Variants in DDX60L observed in about 807,000 individuals in gnomAD.
DDX60L encodes the protein probable ATP-dependent RNA helicase DDX60-like.
DDX60L carries 191 observed loss-of-function variants against 211.6 expected under a neutral mutation model. The observed-to-expected ratio is 0.90, with a 90% CI of 0.80 to 1.02. The LOEUF (loss-of-function observed/expected upper bound fraction) is 1.02. DDX60L is among the 50% of genes least tolerant of loss of function. The pLI is 0.00. For missense variants in DDX60L, 2,007 were observed against 1,984.1 expected (o/e 1.01, Z -0.22); for synonymous variants, 706 against 694.1 (o/e 1.02, Z -0.27).
In DDX60L at chr4:168,394,690, G is replaced by C. The variant is rs1579351033; in HGVS notation, c.3658-73C>G. Reference sequence around the variant, plus strand: ...ATTTCAAGCTCAATCAGAATCAAAGGACATTTTCACAAGCAAATCACTTAC... The same window carrying C: ...ATTTCAAGCTCAATCAGAATCAAAGCACATTTTCACAAGCAAATCACTTAC... On this transcript the variant is annotated intron_variant, in intron 27 of 37. Transcript: ENST00000682922. 13 of 1,395,464 alleles carry C rather than the reference G, an allele frequency of 9.3e-6. No individual in the cohort carries two copies. In the East Asian group the frequency reaches 2.9e-4, roughly 31 times the overall value. 86.4% of individuals were successfully genotyped at this position (1,395,464 alleles called of 1,614,324 possible).
At chr4:168,446,562 T>C (rs1754833265) in intron 9 of DDX60L, among the ~76,000 whole-genome samples, 1 of 152,158 alleles carries the variant, frequency 6.6e-6, no homozygotes, top group Non-Finnish European at 1.5e-5. Context: ...AAAAAGAGAC[T>C]GCATCACCAA....
chr4:168,460,788 C>G (rs111907910), intron 5 of DDX60L, among the ~76,000 whole-genome samples: 11 of 152,316 alleles, frequency 7.2e-5, no homozygotes, highest in African/African-American at 2.2e-4. Flanking sequence ...ACTTCAGACA[C>G]GAATCACAAA....
chr4:168,433,813 A>G (rs553604771), intron 10 of DDX60L, among the ~76,000 whole-genome samples: 1 of 152,302 alleles, frequency 6.6e-6, no homozygotes, highest in South Asian at 2.1e-4. Context: ...TGTATCATAT[A>G]CAAATATTTT....
At chr4:168,379,624 T>C (rs79652210) in intron 31 of DDX60L, 102 bp downstream of exon 31, 57,805 of 1,193,598 alleles carry the variant, frequency 0.048, 1,705 homozygotes, top group Middle Eastern at 0.068. Flanking sequence ...ATAAGTAACA[T>C]TATCATTGAA....
chr4:168,372,913 C>A (rs191370909), intron 35 of DDX60L, among the ~76,000 whole-genome samples: 7 of 152,194 alleles, frequency 4.6e-5, no homozygotes, highest in Admixed American at 4.6e-4. Context: ...TATCTATATT[C>A]TTTTGGATAA....
intron 4 of DDX60L, among the ~76,000 whole-genome samples, chr4:168,465,228 T>C (rs556542560): frequency 1.3e-5 from 2 of 152,250 alleles, no homozygotes; most frequent in East Asian, 3.9e-4. Flanking sequence ...TGGATTTGCA[T>C]TTCTCCGATG....
intron 29 of DDX60L, among the ~76,000 whole-genome samples, chr4:168,389,817 C>T (rs1350993035): frequency 6.6e-6 from 1 of 152,122 alleles, no homozygotes; most frequent in African/African-American, 2.4e-5. Context: ...AAGGCTGTAG[C>T]TATAAGATCA....
At chr4:168,408,996 A>T (rs1873136) in intron 22 of DDX60L, among the ~76,000 whole-genome samples, 150,702 of 152,320 alleles carry the variant, frequency 0.99, 74,571 homozygotes, top group East Asian at 1. Flanking sequence ...CCCCTCATGA[A>T]TGAACAATTT....
intron 30 of DDX60L, among the ~76,000 whole-genome samples, chr4:168,381,589 A>ATT (rs1292541737): frequency 3.3e-5 from 5 of 150,250 alleles, no homozygotes; most frequent in Admixed American, 1.3e-4. Flanking sequence ...TTTTTTTTAA[A>ATT]AAAAAAAACT....
At position 168,416,769 on chromosome 4, in the gene DDX60L, G is replaced by A. The variant is rs771283828; in HGVS notation, c.2639C>T (p.Ala880Val). Reference sequence around the variant, plus strand: ...GACAAGGAGGAGCTCCCAAAATTTTGCTCCAACTTCTCTGCCAAGATAATG... The same window carrying A: ...GACAAGGAGGAGCTCCCAAAATTTTACTCCAACTTCTCTGCCAAGATAATG... ...EVHYLGREVG[A>V]KFWELLLVII... is the part of the protein sequence containing the mutation. Residue 880 changes from alanine (A) to valine (V), a missense_variant, in exon 20 of 38, where the codon GCA (alanine) becomes GTA (valine). By Grantham distance (64) the Ala-to-Val change is moderately conservative. Transcript: ENST00000682922. 9 of 1,597,032 alleles carry A rather than the reference G, an allele frequency of 5.6e-6. 1 individual carries two copies. The African/African-American group carries it at 6.8e-5, about 12-fold the overall frequency.
At chr4:168,378,521 C>G (rs749721648) in intron 32 of DDX60L, 46 bp from the exon 33 acceptor site, 8 of 1,413,002 alleles carry the variant, frequency 5.7e-6, no homozygotes, top group Non-Finnish European at 7.5e-6. Flanking sequence ...AATGTTGATT[C>G]CATTTATTTT....
At position 168,400,846 on chromosome 4, in the gene DDX60L, C is replaced by T. The variant is rs1417522752; in HGVS notation, c.3471G>A (p.Val1157=). 2.5e-6 allele frequency: 4 copies of T among 1,612,156 alleles called. No homozygotes were observed. The highest frequency in any genetic ancestry group is 3.4e-6 in the Non-Finnish European group (4 of 1,179,320). ...VFAIDEVLEK[V]RKTQKRITKK... is the part of the protein sequence containing the mutation. ...CTTACATCCTTTTCTGTGTCTTCCT[C>T]ACTTTTTCAAGTACTTCATCTATTG... The change falls in exon 26 of 38, where the codon GTG becomes GTA. Residue 1157 remains valine, a synonymous_variant. Transcript: ENST00000682922.
rs1001090270 is a variant in DDX60L at position 168,356,797 on chromosome 4, T to C, written c.*1350A>G. On this transcript the variant is annotated 3_prime_UTR_variant, in exon 38 of 38. Coordinates refer to ENST00000682922, the MANE Select transcript of DDX60L (RefSeq NM_001012967.3). ...TCACTTACTACATAAACTACAACAA[T>C]ACCAAGTTTTCAGCTAATTGTTTGC... 2 of 152,220 alleles carry C rather than the reference T, an allele frequency of 1.3e-5. No individual in the cohort carries two copies. The highest frequency in any genetic ancestry group is 2.9e-5 in the Non-Finnish European group (2 of 68,026). 9.4% of individuals were successfully genotyped at this position (152,220 alleles called of 1,614,324 possible). A position where few individuals can be genotyped will look rare whatever the true frequency, so the allele number is the denominator to read the frequency against.
chr4:168,427,230 C>T lies in DDX60L; in HGVS notation c.1770G>A (p.Leu590=), dbSNP rs764311014. Residue 590 remains leucine (L), a synonymous_variant, in exon 14 of 38, where the codon CTG becomes CTA. Transcript: ENST00000682922. ...QNKAQQNDDL[L]FSIEEEMKNN... The stretch of plus-strand genomic sequence containing the variant: ...TCTTCATCTCCTCTTCAATAGAAAA[C>T]AGCAGATCATCGTTTTGCTGAGCTT... 4.6e-5 allele frequency: 74 copies of T among 1,613,654 alleles called. No individual in the cohort carries two copies. The highest frequency in any genetic ancestry group is 5.6e-5 in the Non-Finnish European group (66 of 1,179,806).
intron 14 of DDX60L, among the ~76,000 whole-genome samples, chr4:168,424,092 A>G (rs562300621): frequency 1.3e-5 from 2 of 152,360 alleles, no homozygotes; most frequent in South Asian, 4.1e-4. Flanking sequence ...ACTCATTTCC[A>G]GAGAAAAATA....
At chr4:168,409,319 C>G (rs1748282060) in intron 22 of DDX60L, among the ~76,000 whole-genome samples, 1 of 152,174 alleles carries the variant, frequency 6.6e-6, no homozygotes, top group Non-Finnish European at 1.5e-5. Flanking sequence ...TAGACGAAGG[C>G]ACATGGCCAA....
intron 35 of DDX60L, among the ~76,000 whole-genome samples, chr4:168,373,410 G>A (rs1324368478): frequency 6.6e-6 from 1 of 151,990 alleles, no homozygotes; most frequent in Admixed American, 6.6e-5. Flanking sequence ...CAGCAAACCT[G>A]TGGCAAACCT....
At position 168,448,686 on chromosome 4, in the gene DDX60L, G is replaced by C. The variant is rs1487607012; in HGVS notation, c.1090C>G (p.Gln364Glu). Reference protein sequence around the residue: ...LNHVSDLYDEQLLKNIAFYYE... With the variant: ...LNHVSDLYDEELLKNIAFYYE... The stretch of plus-strand genomic sequence containing the variant: ...TAGAAGGCTATATTCTTTAACAATT[G>C]CTCATCATACAAGTCAGAAACATGA... The change falls in exon 9 of 38, where the codon CAA (glutamine) becomes GAA (glutamate). Residue 364 changes from glutamine (Q) to glutamate (E), a missense_variant. Transcript: ENST00000682922. 1 of 1,595,016 alleles carries C rather than the reference G, an allele frequency of 6.3e-7. No homozygotes were observed. Among genetic ancestry groups the C allele is most frequent in the Non-Finnish European group, 8.6e-7 (1 of 1,165,208 alleles).
chr4:168,416,797 C>A lies in DDX60L; in HGVS notation c.2611G>T (p.Val871Phe). The A allele has an allele frequency of 4.0e-6, 6 of 1,513,492 alleles. No homozygotes were observed. The highest frequency in any genetic ancestry group is 2.5e-5 in the South Asian group (2 of 79,794). 93.8% of individuals were successfully genotyped at this position (1,513,492 alleles called of 1,614,324 possible). A position where few individuals can be genotyped will look rare whatever the true frequency, so the allele number is the denominator to read the frequency against. The change falls in exon 20 of 38, where the codon GTC (valine) becomes TTC (phenylalanine). Residue 871 changes from valine to phenylalanine, a missense_variant and splice_region_variant. Val to Phe is a conservative substitution (Grantham distance 50). Transcript: ENST00000682922. ...ERIRYVIFDE[V>F]HYLGREVGAK... is the part of the protein sequence containing the mutation. ...CCAACTTCTCTGCCAAGATAATGGACCTAGTAAAGAAAAAAAAATCAGTTG... is the reference window on the plus strand; with the variant it reads ...CCAACTTCTCTGCCAAGATAATGGAACTAGTAAAGAAAAAAAAATCAGTTG...
Sources: gnomAD v4.1 joint callset for allele counts (sites outside exome capture counted in the v4.1 genomes callset) on GRCh38, gnomAD v4.1.1 for gene constraint, MANE v1.5 for transcripts, NCBI Gene and HGNC (gene_info 2026-07-23, HGNC 2026-07-21) for gene names.